The following LDB2 variants were observed in gnomAD, a reference collection of about 807,000 sequenced individuals.
LDB2 encodes the protein LIM domain-binding protein 2.
Under a neutral mutation model 44.3 loss-of-function variants are expected in LDB2, and 12 were observed. The ratio of observed to expected loss-of-function variants is 0.27; its 90% CI spans 0.17 to 0.44. The LOEUF (loss-of-function observed/expected upper bound fraction) is 0.44. Among genes scored for constraint, LDB2 ranks in the 20% least tolerant of loss-of-function variants. The probability of loss-of-function intolerance (pLI) is 1.00; values close to 1 mark genes in which losing one functional copy is unlikely to be tolerated. For synonymous variants in LDB2, 164 were observed against 174.8 expected, an observed-to-expected ratio of 0.94 and a Z score of 0.49; for missense variants, 344 against 473.5, an observed-to-expected ratio of 0.73 and a Z score of 2.54.
At chr4:16,695,528 T>C (rs1751930422) in intron 2 of LDB2, among the ~76,000 whole-genome samples, 1 of 151,918 alleles carries the variant, frequency 6.6e-6, no homozygotes, top group Admixed American at 6.6e-5. Context: ...TACAAAAACA[T>C]AGTGCTTTAA....
intron 5 of LDB2, among the ~76,000 whole-genome samples, chr4:16,514,967 C>T (rs971753988): frequency 6.6e-6 from 1 of 152,144 alleles, no homozygotes; most frequent in Non-Finnish European, 1.5e-5. Context: ...ATCCTTCTAC[C>T]AAAAGGACAC....
intron 2 of LDB2, among the ~76,000 whole-genome samples, chr4:16,660,194 CT>C (rs1415463702): frequency 6.6e-6 from 1 of 152,124 alleles, no homozygotes; most frequent in Non-Finnish European, 1.5e-5. Flanking sequence ...GTACATATTT[CT>C]TCTGGTTCTC....
chr4:16,750,401 T>C (rs1765271118), intron 2 of LDB2, among the ~76,000 whole-genome samples: 1 of 152,218 alleles, frequency 6.6e-6, no homozygotes, highest in Non-Finnish European at 1.5e-5. Context: ...CAGTCAACGG[T>C]AGAAGGCCTG....
At chr4:16,737,558 G>A (rs985241862) in intron 2 of LDB2, among the ~76,000 whole-genome samples, 3 of 152,110 alleles carry the variant, frequency 2.0e-5, no homozygotes, top group Non-Finnish European at 4.4e-5. Context: ...TTCAATGACA[G>A]GAAGTACGTT....
intron 5 of LDB2, among the ~76,000 whole-genome samples, chr4:16,545,432 A>G (rs1474125778): frequency 2.6e-5 from 4 of 152,196 alleles, no homozygotes; most frequent in Non-Finnish European, 5.9e-5. Context: ...CGCTGCTGGT[A>G]CTTTCCTTCT....
intron 2 of LDB2, among the ~76,000 whole-genome samples, chr4:16,742,907 A>G (rs535134752): frequency 4.4e-4 from 67 of 151,956 alleles, no homozygotes; most frequent in Middle Eastern, 3.4e-3. Context: ...CTCAAATCAT[A>G]CTCATTGCCT....
chr4:16,589,976 G>A (rs901078484), intron 3 of LDB2, among the ~76,000 whole-genome samples: 7 of 152,096 alleles, frequency 4.6e-5, no homozygotes, highest in Non-Finnish European at 1.0e-4. Context: ...ATAAAGTTAT[G>A]TACGTAGGCT....
intron 2 of LDB2, among the ~76,000 whole-genome samples, chr4:16,622,257 A>T (rs972265357): frequency 6.6e-6 from 1 of 152,256 alleles, no homozygotes; most frequent in Non-Finnish European, 1.5e-5. Context: ...TACAGATTAG[A>T]TGATATATTT....
At position 16,883,662 on chromosome 4, in the gene LDB2, A is replaced by G. The variant is rs142352297; in HGVS notation, c.132+14692T>C. On this transcript the variant is annotated intron_variant, in intron 1 of 7. Coordinates refer to ENST00000304523, the MANE Select transcript of LDB2 (RefSeq NM_001290.5). ...CGCTTCTTGCCTTTTTCTCTTCCCCATGCAGCCTTCTCCCTTGCCTCCCTG... is the reference window on the plus strand; with the variant it reads ...CGCTTCTTGCCTTTTTCTCTTCCCCGTGCAGCCTTCTCCCTTGCCTCCCTG... 2.0e-3 allele frequency among the ~76,000 whole-genome samples: 303 copies of G among 152,222 alleles called. 2 individuals carry two copies. Among genetic ancestry groups the G allele is most frequent in the Middle Eastern group, 0.01 (3 of 294 alleles).
intron 1 of LDB2, among the ~76,000 whole-genome samples, chr4:16,844,536 A>G (rs1459687428): frequency 1.3e-5 from 2 of 152,076 alleles, no homozygotes; most frequent in African/African-American, 2.4e-5. Context: ...TTCTCTTAAG[A>G]CTTTTTTTTC....
intron 2 of LDB2, among the ~76,000 whole-genome samples, chr4:16,634,917 T>C (rs754408439): frequency 2.0e-5 from 3 of 152,132 alleles, no homozygotes; most frequent in Non-Finnish European, 4.4e-5. Flanking sequence ...ATAGACTGGA[T>C]TAAGAAAATG....
intron 1 of LDB2, among the ~76,000 whole-genome samples, chr4:16,829,844 C>T (rs958163449): frequency 9.9e-5 from 15 of 152,140 alleles, no homozygotes; most frequent in African/African-American, 3.6e-4. Context: ...CGGTGGCTCA[C>T]GCCTGTAATC....
intron 1 of LDB2, among the ~76,000 whole-genome samples, chr4:16,877,833 G>A (rs1718880818): frequency 6.6e-6 from 1 of 152,128 alleles, no homozygotes; most frequent in Non-Finnish European, 1.5e-5. Context: ...AAGAGGAAAG[G>A]GGATAAAACT....
At chr4:16,644,429 C>CTT (rs1182465425) in intron 2 of LDB2, among the ~76,000 whole-genome samples, 37 of 139,096 alleles carry the variant, frequency 2.7e-4, no homozygotes, top group African/African-American at 7.1e-4. Flanking sequence ...ATTTTTTTTT[C>CTT]TTTTTTTTTT....
intron 1 of LDB2, among the ~76,000 whole-genome samples, chr4:16,886,941 G>T (rs2110481617): frequency 6.7e-6 from 1 of 148,162 alleles, no homozygotes; most frequent in East Asian, 2.0e-4. Flanking sequence ...GCTGAGGCAG[G>T]AGAATGGCGT....
At chr4:16,614,704 G>T (rs1303484722) in intron 2 of LDB2, among the ~76,000 whole-genome samples, 1 of 151,552 alleles carries the variant, frequency 6.6e-6, no homozygotes, top group Non-Finnish European at 1.5e-5. Context: ...CAACATCACT[G>T]ATCATCAGAG....
intron 1 of LDB2, among the ~76,000 whole-genome samples, chr4:16,821,437 G>T (rs1470338112): frequency 6.7e-6 from 1 of 148,878 alleles, no homozygotes; most frequent in East Asian, 2.0e-4. Flanking sequence ...AGGCTGGAGT[G>T]CAGTGGCGCC....
chr4:16,814,063 G>A (rs1428999107), intron 1 of LDB2, among the ~76,000 whole-genome samples: 3 of 152,050 alleles, frequency 2.0e-5, no homozygotes, highest in Non-Finnish European at 4.4e-5. Flanking sequence ...ACTAGAGACG[G>A]GGTTTCACTT....
intron 1 of LDB2, among the ~76,000 whole-genome samples, chr4:16,790,204 C>A (rs537475019): frequency 6.6e-6 from 1 of 152,254 alleles, no homozygotes; most frequent in East Asian, 1.9e-4. Context: ...TTTTACAAAT[C>A]GAGACTCCAA....
Sources: allele counts gnomAD v4.1 joint callset (sites outside exome capture counted in the v4.1 genomes callset), GRCh38; gene constraint gnomAD v4.1.1; transcripts MANE v1.5; gene names NCBI Gene and HGNC (gene_info 2026-07-23, HGNC 2026-07-21).